Variants in GLCE observed in about 807,000 individuals in gnomAD.
The protein encoded by GLCE is glucuronic acid epimerase.
GLCE carries 19 observed loss-of-function variants against 47.9 expected under a neutral mutation model. The observed-to-expected ratio is 0.40, with a 90% CI of 0.28 to 0.58. The LOEUF (loss-of-function observed/expected upper bound fraction) is 0.58. Ranked by LOEUF, GLCE falls within the 20% of genes least tolerant of loss-of-function variation. GLCE has a pLI of 0.48. For synonymous variants in GLCE, 245 were observed against 263.4 expected (o/e 0.93, Z 0.68); for missense variants, 556 against 743.3 (o/e 0.75, Z 2.93).
chr15:69,256,298 G>A lies in GLCE; in HGVS notation c.492G>A (p.Gln164=). 1 of 1,613,996 alleles carries A rather than the reference G, an allele frequency of 6.2e-7. No individual in the cohort carries two copies. Among genetic ancestry groups the A allele is most frequent in the Middle Eastern group, 1.6e-4 (1 of 6,062 alleles). The part of the protein sequence containing the change: ...FSHSYSKVYA[Q]RAPYHPDGVF... The stretch of plus-strand genomic sequence containing the variant: ...ATAGCTATTCCAAAGTCTATGCACA[G>A]AGAGCCCCCTATCACCCCGATGGTG... Residue 164 remains glutamine (Q), a synonymous_variant, in exon 3 of 5, where the codon CAG becomes CAA. Transcript: ENST00000261858.
chr15:69,196,963 A>G (rs537146899), intron 1 of GLCE: 2 of 238,072 alleles, frequency 8.4e-6, no homozygotes, highest in South Asian at 1.2e-4. Context: ...CCCAAAGCCA[A>G]ACTTCTACCA....
chr15:69,236,851 G>A (rs1321507184), intron 2 of GLCE, among the ~76,000 whole-genome samples: 1 of 152,182 alleles, frequency 6.6e-6, no homozygotes, highest in African/African-American at 2.4e-5. Context: ...TCTGAAAAAC[G>A]AAGGTAATAC....
intron 2 of GLCE, among the ~76,000 whole-genome samples, chr15:69,236,991 CTATT>C (rs1392918206): frequency 6.6e-6 from 1 of 152,072 alleles, no homozygotes; most frequent in African/African-American, 2.4e-5. Flanking sequence ...ATTCTGTTAA[CTATT>C]AATTAATAAG....
intron 2 of GLCE, among the ~76,000 whole-genome samples, chr15:69,231,513 G>A (rs2052521201): frequency 6.6e-6 from 1 of 151,982 alleles, no homozygotes; most frequent in Non-Finnish European, 1.5e-5. Flanking sequence ...TCGATTTCCT[G>A]ATCTCGTGAT....
chr15:69,198,974 G>A (rs2052036819), intron 1 of GLCE, among the ~76,000 whole-genome samples: 1 of 152,060 alleles, frequency 6.6e-6, no homozygotes, highest in Admixed American at 6.6e-5. Flanking sequence ...TCCGCCACCC[G>A]GTCCCCAAAC....
At chr15:69,166,630 T>C (rs2051505107) in intron 1 of GLCE, among the ~76,000 whole-genome samples, 1 of 152,120 alleles carries the variant, frequency 6.6e-6, no homozygotes, top group African/African-American at 2.4e-5. Flanking sequence ...TATAAAACTA[T>C]TACTCGAGGC....
In GLCE at chr15:69,268,530, G is replaced by A. The variant is rs761267449; in HGVS notation, c.1140G>A (p.Val380=). The change falls in exon 5 of 5, where the codon GTG becomes GTA. Residue 380 remains valine, a synonymous_variant. Coordinates refer to ENST00000261858, the MANE Select transcript of GLCE (RefSeq NM_015554.3). ...CAACCAAAATAATGCCCAAGAAGGT[G>A]GTTAGGTTGATTGCAAAAGGTAAGG... ...VKPTKIMPKK[V]VRLIAKGKGF... 1.9e-6 allele frequency: 3 copies of A among 1,614,162 alleles called. No individual in the cohort carries two copies. Among genetic ancestry groups the A allele is most frequent in the Non-Finnish European group, 2.5e-6 (3 of 1,180,012 alleles).
intron 1 of GLCE, among the ~76,000 whole-genome samples, chr15:69,189,885 C>T (rs1055274838): frequency 6.6e-6 from 1 of 151,810 alleles, no homozygotes; most frequent in Admixed American, 6.6e-5. Context: ...AAACTTGTGT[C>T]ATGGAGGTTT....
At chr15:69,190,301 G>T (rs994243006) in intron 1 of GLCE, among the ~76,000 whole-genome samples, 3 of 152,050 alleles carry the variant, frequency 2.0e-5, no homozygotes, top group African/African-American at 7.2e-5. Context: ...ATGTTAATTA[G>T]ATCAAGTTGG....
Position 69,269,050 on chromosome 15 carries a change from A to G in GLCE, c.1660A>G (p.Thr554Ala), listed in dbSNP as rs267604304. The stretch of plus-strand genomic sequence containing the variant: ...TAAAGCCATGCTGCCCTTGTATGAC[A>G]CTGGCTCAGGAACCATCTATGACCT... Reference protein sequence around the residue: ...SLKAMLPLYDTGSGTIYDLRH... With the variant: ...SLKAMLPLYDAGSGTIYDLRH... Residue 554 changes from threonine (T) to alanine (A), a missense_variant, in exon 5 of 5, where the codon ACT (threonine) becomes GCT (alanine). Physicochemically the swap from Thr to Ala is moderately conservative, Grantham distance 58. Around this residue, in one of 3 missense-constraint regions of GLCE, gnomAD observed 245 missense variants for 368.1 expected, o/e 0.67. Coordinates refer to ENST00000261858, the MANE Select transcript of GLCE (RefSeq NM_015554.3). 1 of 1,614,208 alleles carries G rather than the reference A, an allele frequency of 6.2e-7. No homozygotes were observed. Among genetic ancestry groups the G allele is most frequent in the Admixed American group, 1.7e-5 (1 of 60,028 alleles).
Position 69,204,161 on chromosome 15 carries a change from G to C in GLCE, c.-104-6155G>C, listed in dbSNP as rs376353884. Among the ~76,000 whole-genome samples the C allele has an allele frequency of 9.2e-5, 14 of 151,894 alleles. No individual in the cohort carries two copies. In the East Asian group the frequency reaches 1.9e-3, roughly 21 times the overall value. On this transcript the variant is annotated intron_variant, in intron 1 of 4. Coordinates refer to ENST00000261858, the MANE Select transcript of GLCE (RefSeq NM_015554.3). ...GTACGATAAAGAAATTCTTGCAGAA[G>C]AGTAGAAATACTTCTGAAATACTGT...
intron 2 of GLCE, among the ~76,000 whole-genome samples, chr15:69,232,388 C>T (rs1488116423): frequency 6.6e-6 from 1 of 152,016 alleles, no homozygotes; most frequent in Non-Finnish European, 1.5e-5. Context: ...TACGAAATGT[C>T]TTCCTAGGAA....
At chr15:69,219,303 G>A (rs555673184) in intron 2 of GLCE, among the ~76,000 whole-genome samples, 1 of 152,142 alleles carries the variant, frequency 6.6e-6, no homozygotes, top group East Asian at 1.9e-4. Flanking sequence ...AGTTGTTTCA[G>A]TATATATAAG....
At chr15:69,185,717 T>C (rs1220552743) in intron 1 of GLCE, among the ~76,000 whole-genome samples, 2 of 151,484 alleles carry the variant, frequency 1.3e-5, no homozygotes, top group African/African-American at 4.9e-5. Context: ...GGTATGGGGG[T>C]TTTTCCCTAC....
At chr15:69,249,540 T>G (rs2052806351) in intron 2 of GLCE, among the ~76,000 whole-genome samples, 2 of 152,210 alleles carry the variant, frequency 1.3e-5, no homozygotes, top group African/African-American at 4.8e-5. Context: ...AGAGTAAGCA[T>G]TCTTCTCAAT....
intron 2 of GLCE, among the ~76,000 whole-genome samples, chr15:69,224,200 C>T (rs1038980890): frequency 1.3e-5 from 2 of 152,116 alleles, no homozygotes; most frequent in African/African-American, 4.8e-5. Context: ...AGATTTTCTC[C>T]TTTCACTAGG....
intron 2 of GLCE, among the ~76,000 whole-genome samples, chr15:69,236,241 C>T (rs894394679): frequency 5.0e-5 from 7 of 140,974 alleles, no homozygotes; most frequent in African/African-American, 2.3e-4. Context: ...CATACATGTT[C>T]ATAACCTGTT....
chr15:69,223,824 A>G (rs2052409514), intron 2 of GLCE, among the ~76,000 whole-genome samples: 1 of 151,660 alleles, frequency 6.6e-6, no homozygotes, highest in South Asian at 2.1e-4. Context: ...AAGTTAGCTG[A>G]TTCTTCAGCC....
At chr15:69,202,786 CCTT>C (rs1231168143) in intron 1 of GLCE, among the ~76,000 whole-genome samples, 2 of 151,824 alleles carry the variant, frequency 1.3e-5, no homozygotes, top group African/African-American at 4.9e-5. Flanking sequence ...TCACATGAGG[CCTT>C]CTTAATTTCA....
Sources: gnomAD v4.1 joint callset for allele counts (sites outside exome capture counted in the v4.1 genomes callset) on GRCh38, gnomAD v4.1.1 for gene constraint, gnomAD v4.1.1 regional missense constraint, MANE v1.5 for transcripts, NCBI Gene and HGNC (gene_info 2026-07-23, HGNC 2026-07-21) for gene names.